The following CYP4F2 variants were observed in gnomAD, a reference collection of about 807,000 sequenced individuals.
CYP4F2 encodes cytochrome P450 family 4 subfamily F member 2.
In CYP4F2, 58 loss-of-function variants were observed where a neutral mutation model predicts 58.9. The ratio of observed to expected loss-of-function variants is 0.98; its 90% CI spans 0.80 to 1.23. The LOEUF is 1.23. Ranked by LOEUF, CYP4F2 falls within the 50% of genes most tolerant of loss-of-function variation. The pLI, the probability that CYP4F2 is intolerant of heterozygous loss-of-function variation, is 0.00. For synonymous variants in CYP4F2, 287 were observed against 261.1 expected (o/e 1.10, Z -0.95); for missense variants, 616 against 685.6 (o/e 0.90, Z 1.13).
intron 5 of CYP4F2, 34 bp downstream of exon 5, chr19:15,892,275 G>A (rs756442206): frequency 1.2e-6 from 2 of 1,613,684 alleles, no homozygotes; most frequent in Admixed American, 1.7e-5. Context: ...TCACCCCAAG[G>A]CTGCAAGTGG....
intron 7 of CYP4F2, among the ~76,000 whole-genome samples, chr19:15,888,570 A>G (rs2089396930): frequency 6.6e-6 from 1 of 152,188 alleles, no homozygotes; most frequent in African/African-American, 2.4e-5. Flanking sequence ...ACAGACACAC[A>G]AGTACACATA....
rs1174453178 is a variant in CYP4F2 at position 15,897,420 on chromosome 19, C to CTGG, written c.189_191dup (p.His63dup). The CTGG allele has an allele frequency of 1.1e-5, 17 of 1,613,448 alleles. No individual in the cohort carries two copies. The highest frequency in any genetic ancestry group is 1.4e-5 in the Non-Finnish European group (16 of 1,179,734). On this transcript the variant is annotated inframe_insertion, in exon 2 of 13. Transcript: ENST00000221700. The stretch of plus-strand genomic sequence containing the variant: ...ATCCTGCTGCCACACTCACCATGCC[C>CTGG]TGGTGTCCCCAAAACCAGTTCCGTC...
chr19:15,888,578 A>G (rs1015108923), intron 7 of CYP4F2, among the ~76,000 whole-genome samples: 2 of 152,202 alleles, frequency 1.3e-5, no homozygotes, highest in Non-Finnish European at 2.9e-5. Context: ...ACAAGTACAC[A>G]TAAACATAGA....
rs749368089 is a variant in CYP4F2 at position 15,886,328 on chromosome 19, C to CG, written c.919-21_919-20insC. On this transcript the variant is annotated intron_variant, in intron 7 of 12. Coordinates refer to ENST00000221700, the MANE Select transcript of CYP4F2 (RefSeq NM_001082.5). ...TTCATCCTGGAGAGAAGGCAGTAAC[C>CG]CCCCCCAACCCCCACCCCCATAAAA... is the stretch of plus-strand genomic sequence containing the variant. 6.3e-6 allele frequency: 10 copies of CG among 1,596,328 alleles called. No individual in the cohort carries two copies. The highest frequency in any genetic ancestry group is 3.3e-5 in the South Asian group (3 of 90,762).
At chr19:15,879,572 A>C in intron 11 of CYP4F2, 32 bp downstream of exon 11, 1 of 1,613,302 alleles carries the variant, frequency 6.2e-7, no homozygotes, top group Admixed American at 1.7e-5. Context: ...GGAGCCTTGG[A>C]ATGGACAAAA....
At chr19:15,881,561 TGATG>T (rs1167128373) in intron 9 of CYP4F2, among the ~76,000 whole-genome samples, 1 of 126,124 alleles carries the variant, frequency 7.9e-6, no homozygotes, top group Admixed American at 8.2e-5. Context: ...CATAGATAGA[TGATG>T]GATAGATAGA....
At position 15,897,434 on chromosome 19, in the gene CYP4F2, A is replaced by C; in HGVS notation, c.178T>G (p.Phe60Val). The change falls in exon 2 of 13, where the codon TTT (phenylalanine) becomes GTT (valine). Residue 60 changes from phenylalanine to valine, a missense_variant. Transcript: ENST00000221700. ...CFPQPPRRNWFWGHQGMVNPT... is the reference protein window; with the variant it reads ...CFPQPPRRNWVWGHQGMVNPT... ...CTCACCATGCCCTGGTGTCCCCAAA[A>C]CCAGTTCCGTCTTGGGGGTTGTGGG... The C allele has an allele frequency of 6.2e-7, 1 of 1,612,372 alleles. No individual in the cohort carries two copies. The highest frequency in any genetic ancestry group is 8.5e-7 in the Non-Finnish European group (1 of 1,179,542).
chr19:15,897,820 T>A (rs1277986157), intron 1 of CYP4F2: 5 of 575,186 alleles, frequency 8.7e-6, no homozygotes, highest in Non-Finnish European at 1.5e-5. Context: ...TAGTAAGCAC[T>A]TAGAATGGGA....
intron 2 of CYP4F2, among the ~76,000 whole-genome samples, chr19:15,896,069 T>TCCATCCATCCATCC (rs1568474499): frequency 1.8e-4 from 25 of 142,306 alleles, no homozygotes; most frequent in African/African-American, 6.7e-4. Context: ...TCTATCTATC[T>TCCATCCATCCATCC]ATCCATCCAT....
At chr19:15,895,010 G>C (rs113560224) in intron 3 of CYP4F2, among the ~76,000 whole-genome samples, 1 of 152,176 alleles carries the variant, frequency 6.6e-6, no homozygotes, top group Non-Finnish European at 1.5e-5. Flanking sequence ...GTGATGCTAG[G>C]CCTGGCAAGG....
intron 6 of CYP4F2, 133 bp from the exon 7 acceptor site, chr19:15,889,826 A>T: frequency 7.6e-7 from 1 of 1,322,868 alleles, no homozygotes. Context: ...CCACAGATAC[A>T]GGGTGGGGAT....
intron 2 of CYP4F2, among the ~76,000 whole-genome samples, chr19:15,896,312 T>C (rs1055183241): frequency 2.6e-5 from 4 of 151,978 alleles, no homozygotes; most frequent in African/African-American, 9.7e-5. Context: ...CTATCCACAT[T>C]CCTCCTGCTC....
chr19:15,886,969 G>A (rs559668374), intron 7 of CYP4F2, among the ~76,000 whole-genome samples: 1 of 152,342 alleles, frequency 6.6e-6, no homozygotes, highest in South Asian at 2.1e-4. Flanking sequence ...TTTGACTTGA[G>A]GATGAAGAGC....
intron 5 of CYP4F2, among the ~76,000 whole-genome samples, chr19:15,891,157 T>C (rs2089413963): frequency 6.6e-6 from 1 of 152,192 alleles, no homozygotes; most frequent in Non-Finnish European, 1.5e-5. Flanking sequence ...GAAGAAAAAC[T>C]TTGAGGGATA....
intron 3 of CYP4F2, among the ~76,000 whole-genome samples, chr19:15,895,296 G>A (rs2089440984): frequency 6.6e-6 from 1 of 152,146 alleles, no homozygotes; most frequent in South Asian, 2.1e-4. Flanking sequence ...TAGGGTTCCA[G>A]GGCAGCCCAG....
Position 15,890,526 on chromosome 19 carries a change from G to A in CYP4F2, c.526-93C>T, listed in dbSNP as rs571831043. 2.8e-5 allele frequency: 43 copies of A among 1,547,680 alleles called. No homozygotes were observed. In the African/African-American group the frequency reaches 5.4e-4, roughly 19 times the overall value. ...TGCCAAGATGGGCTCCCCAGAATAA[G>A]CCTCTTCATCTTCTCCCCAGGGACC... On this transcript the variant is annotated intron_variant, in intron 5 of 12. Coordinates refer to ENST00000221700, the MANE Select transcript of CYP4F2 (RefSeq NM_001082.5).
At chr19:15,896,020 G>C (rs1171492071) in intron 2 of CYP4F2, among the ~76,000 whole-genome samples, 4 of 149,946 alleles carry the variant, frequency 2.7e-5, no homozygotes, top group African/African-American at 9.9e-5. Context: ...TCCTATCTGT[G>C]CATCCGTGTG....
At chr19:15,885,013 C>T (rs953845441) in intron 9 of CYP4F2, among the ~76,000 whole-genome samples, 3 of 142,844 alleles carry the variant, frequency 2.1e-5, no homozygotes, top group Non-Finnish European at 3.2e-5. Flanking sequence ...CTACCATCTC[C>T]GGTTTTATCA....
At chr19:15,897,735 T>C in intron 1 of CYP4F2, 123 bp from the exon 2 acceptor site, 1 of 1,253,498 alleles carries the variant, frequency 8.0e-7, no homozygotes, top group Admixed American at 2.6e-5. Flanking sequence ...GGCTCAGGGA[T>C]GGGTAAAAAG....
Sources: gnomAD v4.1 joint callset for allele counts (sites outside exome capture counted in the v4.1 genomes callset) on GRCh38, gnomAD v4.1.1 for gene constraint, MANE v1.5 for transcripts, NCBI Gene and HGNC (gene_info 2026-07-23, HGNC 2026-07-21) for gene names.